THRAP3: variants seen among roughly 807,000 people sequenced by gnomAD.
THRAP3 encodes thyroid hormone receptor-associated protein 3.
THRAP3 carries 16 observed loss-of-function variants against 101.0 expected under a neutral mutation model. The observed-to-expected ratio is 0.16, with a 90% CI of 0.11 to 0.24. The LOEUF (loss-of-function observed/expected upper bound fraction) is 0.24. Among genes scored for constraint, THRAP3 ranks in the 10% least tolerant of loss-of-function variants. The pLI, the probability that THRAP3 is intolerant of heterozygous loss-of-function variation, is 1.00. For synonymous variants in THRAP3, 407 were observed against 422.6 expected (o/e 0.96, Z 0.45); for missense variants, 989 against 1,202.7 (o/e 0.82, Z 2.63).
chr1:36,281,359 A>T (rs1440395085), intron 2 of THRAP3, among the ~76,000 whole-genome samples: 1 of 152,184 alleles, frequency 6.6e-6, no homozygotes, highest in African/African-American at 2.4e-5. Context: ...TTAACAGCTG[A>T]CTTTAGTCTC....
chr1:36,242,774 A>G (rs188531954), intron 1 of THRAP3, among the ~76,000 whole-genome samples: 1 of 152,296 alleles, frequency 6.6e-6, no homozygotes, highest in East Asian at 1.9e-4. Flanking sequence ...TCTAAGGCAT[A>G]TAGATAGATT....
the THRAP3 span, among the ~76,000 whole-genome samples, chr1:36,213,558 ACTC>A: frequency 6.6e-6 from 1 of 151,426 alleles, no homozygotes; most frequent in Non-Finnish European, 1.5e-5. Flanking sequence ...AGACAGAAGA[ACTC>A]CTGGCCGGGC....
At chr1:36,217,093 T>C in the THRAP3 span, among the ~76,000 whole-genome samples, 33 of 152,102 alleles carry the variant, frequency 2.2e-4, no homozygotes, top group Non-Finnish European at 3.4e-4. Context: ...GCCCACCAAA[T>C]GAATGAAGTG....
chr1:36,243,358 T>C (rs1026110219), intron 1 of THRAP3, among the ~76,000 whole-genome samples: 1 of 151,764 alleles, frequency 6.6e-6, no homozygotes, highest in Non-Finnish European at 1.5e-5. Flanking sequence ...TCCGCAGTGT[T>C]TGTGTCCCTG....
the THRAP3 span, among the ~76,000 whole-genome samples, chr1:36,211,433 G>A: frequency 6.6e-6 from 1 of 152,072 alleles, no homozygotes; most frequent in East Asian, 1.9e-4. Flanking sequence ...AGCTACTTGG[G>A]AGGCTAAGGT....
At chr1:36,291,870 A>T (rs1255133148) in intron 6 of THRAP3, among the ~76,000 whole-genome samples, 1 of 152,210 alleles carries the variant, frequency 6.6e-6, no homozygotes, top group East Asian at 1.9e-4. Flanking sequence ...GTGATCTCTT[A>T]TGGACCTTCT....
chr1:36,220,964 A>ATATATATAT (rs1488516070), upstream of THRAP3, among the ~76,000 whole-genome samples: 1 of 134,302 alleles, frequency 7.4e-6, no homozygotes, highest in African/African-American at 3.0e-5. Context: ...AAAAAAAAAA[A>ATATATATAT]AAAAAAAAAT....
upstream of THRAP3, among the ~76,000 whole-genome samples, chr1:36,223,046 G>A (rs1022669961): frequency 1.3e-5 from 2 of 152,114 alleles, no homozygotes; most frequent in Non-Finnish European, 2.9e-5. Context: ...AGAATCGCTT[G>A]AACCTGGGAG....
chr1:36,258,927 A>G (rs1159901783), intron 1 of THRAP3, among the ~76,000 whole-genome samples: 2 of 152,232 alleles, frequency 1.3e-5, no homozygotes, highest in South Asian at 4.1e-4. Context: ...AGATCTGGGA[A>G]TAGACAACTG....
intron 5 of THRAP3, 139 bp from the exon 6 acceptor site, chr1:36,291,235 T>C: frequency 2.5e-6 from 2 of 804,970 alleles, no homozygotes; most frequent in Non-Finnish European, 3.9e-6. Context: ...TACAGTGCAC[T>C]GAGGGTTACT....
At chr1:36,267,509 C>CT (rs925995078) in intron 2 of THRAP3, among the ~76,000 whole-genome samples, 40 of 152,240 alleles carry the variant, frequency 2.6e-4, no homozygotes, top group Admixed American at 2.5e-3. Flanking sequence ...TTTAGGGACC[C>CT]TGAACACTTG....
Position 36,289,595 on chromosome 1 carries a change from T to A in THRAP3, c.1576T>A (p.Tyr526Asn), listed in dbSNP as rs1159225614. ...TGAGAAGAATTTCCGAGTGACTGCT[T>A]ATAAAGCAGTCCAGGAGAAAAGCTC... ...VPEKNFRVTA[Y>N]KAVQEKSSSP... Residue 526 changes from tyrosine (Y) to asparagine (N), a missense_variant, in exon 5 of 12, where the codon TAT becomes AAT. Coordinates refer to ENST00000354618, the MANE Select transcript of THRAP3 (RefSeq NM_005119.4). 12 of 1,614,086 alleles carry A rather than the reference T, an allele frequency of 7.4e-6. No individual in the cohort carries two copies. The highest frequency in any genetic ancestry group is 9.3e-6 in the Non-Finnish European group (11 of 1,180,012).
intron 1 of THRAP3, among the ~76,000 whole-genome samples, chr1:36,242,610 G>A (rs763682282): frequency 6.6e-6 from 1 of 151,882 alleles, no homozygotes; most frequent in Non-Finnish European, 1.5e-5. Flanking sequence ...CAGCCACCAC[G>A]CTCGGCTAAT....
chr1:36,292,823 C>T, intron 7 of THRAP3, 114 bp downstream of exon 7: 3 of 737,706 alleles, frequency 4.1e-6, no homozygotes, highest in Middle Eastern at 2.4e-4. Flanking sequence ...TTTACAGTAA[C>T]ATCCTTCAGA....
intron 1 of THRAP3, among the ~76,000 whole-genome samples, chr1:36,240,698 A>AAT (rs772406958): frequency 2.0e-5 from 3 of 152,126 alleles, no homozygotes; most frequent in African/African-American, 4.8e-5. Context: ...TTTTGGTATA[A>AAT]ATATAGGTAT....
At chr1:36,272,793 C>T (rs565318726) in intron 2 of THRAP3, among the ~76,000 whole-genome samples, 2 of 152,260 alleles carry the variant, frequency 1.3e-5, no homozygotes, top group East Asian at 3.9e-4. Context: ...TTTGTTCAAA[C>T]GTGGCACTAG....
chr1:36,234,092 A>G (rs1336797082), intron 1 of THRAP3, among the ~76,000 whole-genome samples: 3 of 152,102 alleles, frequency 2.0e-5, no homozygotes, highest in African/African-American at 4.8e-5. Context: ...AGTAGCTAGG[A>G]CTATAGGTGC....
At chr1:36,285,357 G>A (rs577889498) in intron 3 of THRAP3, among the ~76,000 whole-genome samples, 21 of 152,276 alleles carry the variant, frequency 1.4e-4, no homozygotes, top group Non-Finnish European at 2.9e-4. Context: ...TAGGAAAAGT[G>A]GATCCAAGAA....
At chr1:36,227,808 C>T (rs1570216052) in intron 1 of THRAP3, among the ~76,000 whole-genome samples, 1 of 152,192 alleles carries the variant, frequency 6.6e-6, no homozygotes, top group African/African-American at 2.4e-5. Flanking sequence ...GATCATGACA[C>T]TGCATGCCAG....
Sources: gnomAD v4.1 joint callset for allele counts (sites outside exome capture counted in the v4.1 genomes callset) on GRCh38, gnomAD v4.1.1 for gene constraint, MANE v1.5 for transcripts, NCBI Gene and HGNC (gene_info 2026-07-23, HGNC 2026-07-21) for gene names.